Variants in DDIAS observed in about 807,000 individuals in gnomAD.
DDIAS encodes the protein DNA damage-induced apoptosis suppressor protein.
In DDIAS, 14 loss-of-function variants were observed where a neutral mutation model predicts 15.7. The ratio of observed to expected loss-of-function variants is 0.89; its 90% confidence interval spans 0.59 to 1.39. DDIAS has a LOEUF of 1.39. Ranked by LOEUF, DDIAS falls within the 40% of genes most tolerant of loss-of-function variation. The probability of loss-of-function intolerance (pLI) is 0.00; values close to 1 mark genes in which losing one functional copy is unlikely to be tolerated. For missense variants in DDIAS, 1,035 were observed against 1,130.9 expected (o/e 0.92, Z 1.22); for synonymous variants, 355 against 395.9 (o/e 0.90, Z 1.23).
intron 3 of DDIAS, among the ~76,000 whole-genome samples, chr11:82,926,799 C>T (rs1028194176): frequency 3.9e-5 from 6 of 152,042 alleles, no homozygotes; most frequent in African/African-American, 9.7e-5. Flanking sequence ...AATCCAGCAT[C>T]GTTCCTAAAA....
In DDIAS at chr11:82,934,457, C is replaced by G; in HGVS notation, c.*122C>G. 1.0e-6 allele frequency: 1 copy of G among 960,754 alleles called. No individual in the cohort carries two copies. The highest frequency in any genetic ancestry group is 1.5e-6 in the Non-Finnish European group (1 of 667,798). The allele number at this position is 960,754 out of a possible 1,614,324, so 59.5% of individuals were successfully genotyped here. ...AGAGAAGCAAATTGAAAACAGGACT[C>G]TGCTGGGAGCTACTGTGCCTTTTAA... On this transcript the variant is annotated 3_prime_UTR_variant, in exon 6 of 6. Coordinates refer to ENST00000533655, the MANE Select transcript of DDIAS (RefSeq NM_145018.4).
At chr11:82,918,851 G>A (rs780252408) in intron 3 of DDIAS, among the ~76,000 whole-genome samples, 1 of 151,388 alleles carries the variant, frequency 6.6e-6, no homozygotes, top group Non-Finnish European at 1.5e-5. Flanking sequence ...GTGTGTTTTT[G>A]TAGCTGTTGT....
intron 1 of DDIAS, among the ~76,000 whole-genome samples, chr11:82,902,662 A>C (rs1224336062): frequency 6.6e-6 from 1 of 152,178 alleles, no homozygotes; most frequent in Non-Finnish European, 1.5e-5. Context: ...CCTGAAGTGC[A>C]CTATCCTCCT....
intron 1 of DDIAS, among the ~76,000 whole-genome samples, chr11:82,910,591 T>C (rs554651159): frequency 3.6e-5 from 5 of 139,918 alleles, no homozygotes; most frequent in African/African-American, 1.5e-4. Context: ...CTTTTAATTT[T>C]TTCTCTCTCT....
chr11:82,916,831 G>T (rs531862477), intron 3 of DDIAS, among the ~76,000 whole-genome samples: 1 of 152,116 alleles, frequency 6.6e-6, no homozygotes, highest in South Asian at 2.1e-4. Flanking sequence ...GTAACTTACC[G>T]CAAATCATCA....
At position 82,931,832 on chromosome 11, in the gene DDIAS, T is replaced by C. The variant is rs909697656; in HGVS notation, c.494T>C (p.Ile165Thr). 1 of 1,614,206 alleles carries C rather than the reference T, an allele frequency of 6.2e-7. No homozygotes were observed. The highest frequency in any genetic ancestry group is 8.5e-7 in the Non-Finnish European group (1 of 1,180,022). ...GCCAAAGCACTAGTGGCTTGCCAGA[T>C]TGTTCTACCAGACCCAGGTATTGCA... ...RKAKALVACQ[I>T]VLPDPGIAGF... is the part of the protein sequence containing the mutation. The change falls in exon 6 of 6, where the codon ATT becomes ACT. Residue 165 changes from isoleucine (I) to threonine (T), a missense_variant. Coordinates refer to ENST00000533655, the MANE Select transcript of DDIAS (RefSeq NM_145018.4).
chr11:82,931,951 C>A lies in DDIAS; in HGVS notation c.613C>A (p.Leu205Ile). The A allele has an allele frequency of 6.2e-7, 1 of 1,614,098 alleles. No individual in the cohort carries two copies. The highest frequency in any genetic ancestry group is 8.5e-7 in the Non-Finnish European group (1 of 1,179,946). The change falls in exon 6 of 6, where the codon CTT becomes ATT. Residue 205 changes from leucine to isoleucine, a missense_variant. Coordinates refer to ENST00000533655, the MANE Select transcript of DDIAS (RefSeq NM_145018.4). ...CDSQAPNNHL[L>I]ALDHSNSDLS... is the part of the protein sequence containing the mutation. ...CTCTCAGGCACCTAACAATCACTTA[C>A]TTGCTTTAGATCACTCAAATAGTGA...
In DDIAS at chr11:82,914,786, G is replaced by C; in HGVS notation, c.48G>C (p.Gln16His). 2 of 1,611,634 alleles carry C rather than the reference G, an allele frequency of 1.2e-6. No homozygotes were observed. The highest frequency in any genetic ancestry group is 1.7e-6 in the Non-Finnish European group (2 of 1,178,018). ...KFLLASVLAL[Q>H]NSSFIYPSCQ... ...TTCTAGCCTCAGTACTTGCTCTCCA[G>C]AATTCAAGTTTTATATATCCATCAT... Residue 16 changes from glutamine to histidine, a missense_variant, in exon 3 of 6, where the codon CAG (glutamine) becomes CAC (histidine). Gln to His is a conservative substitution (Grantham distance 24). Coordinates refer to ENST00000533655, the MANE Select transcript of DDIAS (RefSeq NM_145018.4).
intron 1 of DDIAS, among the ~76,000 whole-genome samples, chr11:82,903,100 A>C (rs1860356470): frequency 6.6e-6 from 1 of 152,236 alleles, no homozygotes; most frequent in Non-Finnish European, 1.5e-5. Flanking sequence ...AAAGAGCTTG[A>C]CATGTTAATG....
rs1861039700 is a variant in DDIAS at position 82,933,232 on chromosome 11, A to T, written c.1894A>T (p.Thr632Ser). The T allele has an allele frequency of 6.2e-7, 1 of 1,612,218 alleles. No homozygotes were observed. The highest frequency in any genetic ancestry group is 1.3e-5 in the African/African-American group (1 of 74,946). ...DDSFTICRKLTYPLETLCNSP... is the reference protein window; with the variant it reads ...DDSFTICRKLSYPLETLCNSP... ...CAGTTTTACAATTTGCAGGAAACTT[A>T]CATATCCTTTAGAAACTCTTTGCAA... The change falls in exon 6 of 6, where the codon ACA (threonine) becomes TCA (serine). Residue 632 changes from threonine (T) to serine (S), a missense_variant. Coordinates refer to ENST00000533655, the MANE Select transcript of DDIAS (RefSeq NM_145018.4).
At chr11:82,915,290 G>A (rs1205846996) in intron 3 of DDIAS, among the ~76,000 whole-genome samples, 1 of 152,154 alleles carries the variant, frequency 6.6e-6, no homozygotes, top group African/African-American at 2.4e-5. Flanking sequence ...AAGGTGTTTG[G>A]CGTATAATTC....
intron 3 of DDIAS, among the ~76,000 whole-genome samples, chr11:82,923,332 T>G (rs1271114074): frequency 1.3e-5 from 2 of 152,238 alleles, no homozygotes; most frequent in Non-Finnish European, 2.9e-5. Context: ...TGGAATCAGT[T>G]GTAAGCCAAC....
Position 82,928,822 on chromosome 11 carries a change from C to G in DDIAS, c.159C>G (p.Ala53=). The G allele has an allele frequency of 4.3e-6, 7 of 1,613,336 alleles. No homozygotes were observed. The highest frequency in any genetic ancestry group is 5.9e-6 in the Non-Finnish European group (7 of 1,179,770). The part of the protein sequence containing the change: ...KCGSTGESGN[A]NYRYKLSLKV... ...GCTCTACTGGTGAATCTGGAAATGC[C>G]AATTACAGATACAAACTTTCCTTAA... Residue 53 remains alanine, a synonymous_variant, in exon 4 of 6, where the codon GCC becomes GCG. Transcript: ENST00000533655.
Position 82,934,105 on chromosome 11 carries a change from A to G in DDIAS, c.2767A>G (p.Asn923Asp). Residue 923 changes from asparagine to aspartate, a missense_variant, in exon 6 of 6, where the codon AAT (asparagine) becomes GAT (aspartate). Coordinates refer to ENST00000533655, the MANE Select transcript of DDIAS (RefSeq NM_145018.4). ...AGGTTTAATTAAGAAGAAATTAAAG[A>G]ATATGCTTGCAGCAGTTGTTACGAA... Reference protein sequence around the residue: ...NKGLIKKKLKNMLAAVVTKKK... With the variant: ...NKGLIKKKLKDMLAAVVTKKK... 6.2e-7 allele frequency: 1 copy of G among 1,609,092 alleles called. No individual in the cohort carries two copies. Among genetic ancestry groups the G allele is most frequent in the Non-Finnish European group, 8.5e-7 (1 of 1,178,656 alleles).
At chr11:82,921,571 C>CTTTCTTT (rs1565247355) in intron 3 of DDIAS, among the ~76,000 whole-genome samples, 1 of 78,132 alleles carries the variant, frequency 1.3e-5, no homozygotes, top group African/African-American at 5.5e-5. Context: ...TTCTTTCTTT[C>CTTTCTTT]TTTTTTTTTT....
Position 82,911,907 on chromosome 11 carries a change from CT to C in DDIAS, c.-116-1379del, listed in dbSNP as rs558373056. Reference sequence around the variant, plus strand: ...AAACAATATCAATCTCCTTGTGCATCTCATCAGAGCTCTTGGGTGACCAGGT... The same window carrying C: ...AAACAATATCAATCTCCTTGTGCATCCATCAGAGCTCTTGGGTGACCAGGT... On this transcript the variant is annotated intron_variant, in intron 1 of 5. Transcript: ENST00000533655. Among the ~76,000 whole-genome samples, 493 of 152,308 alleles carry C rather than the reference CT, an allele frequency of 3.2e-3. 5 individuals carry two copies. Among genetic ancestry groups the C allele is most frequent in the African/African-American group, 0.01 (436 of 41,556 alleles).
rs143037230 is a variant in DDIAS, at chr11:82,903,989, T to C, written c.-117+2167T>C. Among the ~76,000 whole-genome samples, 62 of 152,354 alleles carry C rather than the reference T, an allele frequency of 4.1e-4. 1 individual carries two copies. Among genetic ancestry groups the C allele is most frequent in the African/African-American group, 1.3e-3 (55 of 41,590 alleles). ...CTTGAAGCAAATACACATAGTTTCTTTCAAGTGTGAAGCTTGAGCAAAGAG... is the reference window on the plus strand; with the variant it reads ...CTTGAAGCAAATACACATAGTTTCTCTCAAGTGTGAAGCTTGAGCAAAGAG... On this transcript the variant is annotated intron_variant, in intron 1 of 5. Transcript: ENST00000533655.
chr11:82,925,641 A>G (rs1289702208), intron 3 of DDIAS, among the ~76,000 whole-genome samples: 1 of 151,896 alleles, frequency 6.6e-6, no homozygotes. Flanking sequence ...AAGATAAACA[A>G]GTTCTATGGA....
intron 1 of DDIAS, among the ~76,000 whole-genome samples, chr11:82,902,659 T>G (rs2121305802): frequency 6.6e-6 from 1 of 152,326 alleles, no homozygotes; most frequent in Non-Finnish European, 1.5e-5. Flanking sequence ...GTTCCTGAAG[T>G]GCACTATCCT....
Sources: allele counts gnomAD v4.1 joint callset (sites outside exome capture counted in the v4.1 genomes callset), GRCh38; gene constraint gnomAD v4.1.1; transcripts MANE v1.5; gene names NCBI Gene and HGNC (gene_info 2026-07-23, HGNC 2026-07-21).